Variants in VTI1A observed in about 807,000 individuals in gnomAD.
VTI1A encodes vesicle transport through interaction with t-SNAREs 1A, also known as vesicle transport through interaction with t-SNAREs homolog 1A.
Under a neutral mutation model 34.9 loss-of-function variants are expected in VTI1A, and 22 were observed. The observed-to-expected ratio is 0.63, with a 90% CI of 0.45 to 0.90. The LOEUF is 0.90. Among genes scored for constraint, VTI1A ranks in the 40% least tolerant of loss-of-function variants. VTI1A has a pLI of 0.00. For missense variants in VTI1A, 268 were observed against 275.6 expected (o/e 0.97, Z 0.20); for synonymous variants, 87 against 97.3 (o/e 0.89, Z 0.62).
intron 3 of VTI1A, among the ~76,000 whole-genome samples, chr10:112,495,234 T>A (rs200234378): frequency 2.1e-5 from 3 of 140,924 alleles, no homozygotes; most frequent in African/African-American, 7.9e-5. Flanking sequence ...TAAAAAAAAA[T>A]TTTCTCCATA....
chr10:112,628,476 T>C (rs1201085903), intron 5 of VTI1A, among the ~76,000 whole-genome samples: 1 of 152,168 alleles, frequency 6.6e-6, no homozygotes, highest in Non-Finnish European at 1.5e-5. Context: ...GAGGTAAGAT[T>C]TATTTAATCA....
chr10:112,660,655 A>G (rs1847412721), intron 5 of VTI1A, among the ~76,000 whole-genome samples: 1 of 152,234 alleles, frequency 6.6e-6, no homozygotes, highest in South Asian at 2.1e-4. Flanking sequence ...TGAAATGTGG[A>G]TAGTGCTACT....
chr10:112,581,142 A>G (rs540042207), intron 5 of VTI1A, among the ~76,000 whole-genome samples: 17 of 152,292 alleles, frequency 1.1e-4, no homozygotes, highest in Non-Finnish European at 2.4e-4. Flanking sequence ...CTGGCAGAAG[A>G]TGGAACACAG....
chr10:112,567,527 A>G (rs1589913987), intron 5 of VTI1A, among the ~76,000 whole-genome samples: 1 of 152,228 alleles, frequency 6.6e-6, no homozygotes, highest in South Asian at 2.1e-4. Flanking sequence ...TCAAGTTATA[A>G]CATTAGGCTA....
Position 112,779,647 on chromosome 10 carries a change from C to T in VTI1A, c.561-35643C>T, listed in dbSNP as rs78385359. 4.8e-3 allele frequency among the ~76,000 whole-genome samples: 728 copies of T among 152,294 alleles called. 6 individuals carry two copies. Among genetic ancestry groups the T allele is most frequent in the African/African-American group, 0.016 (684 of 41,564 alleles). ...CCACTATTCAAAAAAATGACCATCT[C>T]GGTACAAAGTTTCTTTGGCAGTCAA... On this transcript the variant is annotated intron_variant, in intron 7 of 7. Coordinates refer to ENST00000393077, the MANE Select transcript of VTI1A (RefSeq NM_145206.4).
chr10:112,763,603 A>G (rs972072494), intron 7 of VTI1A, among the ~76,000 whole-genome samples: 18 of 152,316 alleles, frequency 1.2e-4, no homozygotes, highest in African/African-American at 4.1e-4. Flanking sequence ...AGCTCTGAGA[A>G]GTAAATATAA....
chr10:112,772,998 G>A (rs767245099), intron 7 of VTI1A, among the ~76,000 whole-genome samples: 10 of 152,208 alleles, frequency 6.6e-5, no homozygotes, highest in African/African-American at 4.8e-5. Flanking sequence ...AACTCACAAA[G>A]TGTGCCCATT....
At chr10:112,769,423 G>A (rs1195782572) in intron 7 of VTI1A, among the ~76,000 whole-genome samples, 1 of 152,220 alleles carries the variant, frequency 6.6e-6, no homozygotes, top group African/African-American at 2.4e-5. Flanking sequence ...AAGGAAGAAA[G>A]TGAGTTGACT....
chr10:112,533,468 C>T, intron 4 of VTI1A: 1 of 958,522 alleles, frequency 1.0e-6, no homozygotes, highest in Non-Finnish European at 1.3e-6. Flanking sequence ...TGTCAGACAA[C>T]TGATCTTTCT....
At chr10:112,535,840 A>C (rs1264627883) in intron 4 of VTI1A, among the ~76,000 whole-genome samples, 1 of 152,210 alleles carries the variant, frequency 6.6e-6, no homozygotes, top group Non-Finnish European at 1.5e-5. Flanking sequence ...AACAATGTAA[A>C]TAGTGCAGCT....
intron 5 of VTI1A, among the ~76,000 whole-genome samples, chr10:112,652,427 A>G (rs943455897): frequency 6.6e-6 from 1 of 152,194 alleles, no homozygotes; most frequent in Non-Finnish European, 1.5e-5. Flanking sequence ...TGAGGGCAGA[A>G]CAAAGAGTTA....
chr10:112,544,509 C>T (rs1802481793), intron 5 of VTI1A, among the ~76,000 whole-genome samples: 1 of 151,894 alleles, frequency 6.6e-6, no homozygotes, highest in South Asian at 2.1e-4. Flanking sequence ...CTGAGACAGA[C>T]ATTTCTTAAG....
chr10:112,492,939 C>T (rs1400398615), intron 3 of VTI1A, among the ~76,000 whole-genome samples: 3 of 152,202 alleles, frequency 2.0e-5, no homozygotes, highest in African/African-American at 7.2e-5. Flanking sequence ...CCCTCACGAT[C>T]ATGTGCAGTC....
At chr10:112,778,019 T>A (rs930805656) in intron 7 of VTI1A, among the ~76,000 whole-genome samples, 2 of 152,090 alleles carry the variant, frequency 1.3e-5, no homozygotes, top group African/African-American at 2.4e-5. Context: ...GGAGAATCGC[T>A]TGAACCTGGG....
At chr10:112,471,560 T>A (rs1254133491) in intron 3 of VTI1A, among the ~76,000 whole-genome samples, 2 of 152,044 alleles carry the variant, frequency 1.3e-5, no homozygotes, top group Admixed American at 6.6e-5. Context: ...GGAGCCAGAA[T>A]CAGAATCGAG....
At chr10:112,656,518 A>G (rs1321946655) in intron 5 of VTI1A, among the ~76,000 whole-genome samples, 2 of 109,482 alleles carry the variant, frequency 1.8e-5, no homozygotes, top group African/African-American at 6.2e-5. Context: ...CCACACCCAG[A>G]TAATTTTTTT....
At chr10:112,803,266 C>T (rs555001648) in intron 7 of VTI1A, among the ~76,000 whole-genome samples, 1 of 152,244 alleles carries the variant, frequency 6.6e-6, no homozygotes, top group African/African-American at 2.4e-5. Context: ...TGGGGTTTTA[C>T]CAGGTTGGTC....
chr10:112,748,211 C>T (rs993030653), intron 7 of VTI1A, among the ~76,000 whole-genome samples: 5 of 152,086 alleles, frequency 3.3e-5, no homozygotes, highest in African/African-American at 4.8e-5. Context: ...GTACCTCCCA[C>T]GGCAAAGCCT....
the VTI1A span, among the ~76,000 whole-genome samples, chr10:112,853,515 T>C: frequency 6.6e-6 from 1 of 152,150 alleles, no homozygotes; most frequent in Non-Finnish European, 1.5e-5. Flanking sequence ...TCACCCTTTC[T>C]TCCTTGCCCT....
Sources: allele counts gnomAD v4.1 joint callset (sites outside exome capture counted in the v4.1 genomes callset), GRCh38; gene constraint gnomAD v4.1.1; transcripts MANE v1.5; gene names NCBI Gene and HGNC (gene_info 2026-07-23, HGNC 2026-07-21).